Variants in OVCH1 observed in about 807,000 individuals in gnomAD.
OVCH1 encodes the protein ovochymase-1.
Under a neutral mutation model 138.4 loss-of-function variants are expected in OVCH1, and 139 were observed. The ratio of observed to expected loss-of-function variants is 1.00; its 90% CI spans 0.87 to 1.16. OVCH1 has a LOEUF of 1.16. Among genes scored for constraint, OVCH1 ranks in the 50% most tolerant of loss-of-function variants. OVCH1 has a pLI of 0.00. For missense variants in OVCH1, 1,367 were observed against 1,357.9 expected, an observed-to-expected ratio of 1.01 and a Z score of -0.11; for synonymous variants, 453 against 467.8, an observed-to-expected ratio of 0.97 and a Z score of 0.41.
intron 6 of OVCH1, among the ~76,000 whole-genome samples, chr12:29,489,075 A>G (rs539969756): frequency 6.6e-6 from 1 of 152,286 alleles, no homozygotes; most frequent in South Asian, 2.1e-4. Flanking sequence ...ACCTATCTAA[A>G]ACTTAAAACT....
intron 5 of OVCH1, 112 bp downstream of exon 5, chr12:29,490,985 A>G: frequency 1.2e-6 from 1 of 840,846 alleles, no homozygotes; most frequent in Non-Finnish European, 1.9e-6. Flanking sequence ...TGTGTCAGAA[A>G]TTAGTTATAA....
At chr12:29,476,749 A>ACACG (rs1555151634) in intron 12 of OVCH1, among the ~76,000 whole-genome samples, 1 of 17,160 alleles carries the variant, frequency 5.8e-5, no homozygotes, top group African/African-American at 1.0e-4. Flanking sequence ...ATAAGTACAC[A>ACACG]CGCGCGCACA....
rs375910619 is a variant in OVCH1, at chr12:29,496,239, T to C, written c.223A>G (p.Ser75Gly). 1.9e-6 allele frequency: 3 copies of C among 1,609,324 alleles called. No individual in the cohort carries two copies. The African/African-American group carries it at 4.0e-5, about 21-fold the overall frequency. The change falls in exon 3 of 28, where the codon AGC (serine) becomes GGC (glycine). Residue 75 changes from serine (S) to glycine (G), a missense_variant. Ser to Gly is a moderately conservative substitution (Grantham distance 56). Coordinates refer to ENST00000318184, the Ensembl canonical transcript of OVCH1. ...ACAACCCGATCTTCTTGAATCAAGC[T>C]TCCTCCACAGAAGTGGTGCTCATCT...
intron 24 of OVCH1, among the ~76,000 whole-genome samples, 196 bp downstream of exon 24, chr12:29,443,949 A>G (rs1941550725): frequency 6.6e-6 from 1 of 152,154 alleles, no homozygotes; most frequent in African/African-American, 2.4e-5. Flanking sequence ...AGAAAGTACA[A>G]TTGATAAACA....
chr12:29,424,698 TC>T (rs1941154116), downstream of OVCH1, among the ~76,000 whole-genome samples: 1 of 152,194 alleles, frequency 6.6e-6, no homozygotes, highest in Non-Finnish European at 1.5e-5. Flanking sequence ...GATAATCTCA[TC>T]TGCAAAATGG....
At chr12:29,491,102 G>A (rs778172447) in exon 5 of OVCH1, 2 of 1,613,094 alleles carry the variant, frequency 1.2e-6, no homozygotes, top group Non-Finnish European at 1.7e-6. Flanking sequence ...CTTACTTTTG[G>A]AAATCTTGCC....
chr12:29,407,778 T>A (rs192450780), downstream of OVCH1, among the ~76,000 whole-genome samples: 1 of 151,552 alleles, frequency 6.6e-6, no homozygotes, highest in Non-Finnish European at 1.5e-5. Flanking sequence ...TAGGATTGAC[T>A]TGGCTATGCG....
At chr12:29,486,751 A>T (rs1943119499) in intron 7 of OVCH1, 2 of 320,116 alleles carry the variant, frequency 6.2e-6, no homozygotes, top group Admixed American at 4.2e-5. Flanking sequence ...TATTTAAATA[A>T]ATCACTTATC....
At chr12:29,456,092 A>T (rs1429510201) in intron 19 of OVCH1, among the ~76,000 whole-genome samples, 1 of 152,208 alleles carries the variant, frequency 6.6e-6, no homozygotes, top group Non-Finnish European at 1.5e-5. Context: ...AAGTTGCACA[A>T]TTTCAAAGAC....
intron 2 of OVCH1, 129 bp from the exon 3 acceptor site, chr12:29,496,407 T>G: frequency 3.5e-6 from 4 of 1,141,764 alleles, no homozygotes; most frequent in Non-Finnish European, 5.0e-6. Context: ...AATTGGATAG[T>G]AAGATAGTTC....
At chr12:29,410,963 T>C (rs1325639282), downstream of OVCH1, among the ~76,000 whole-genome samples, 6 of 152,080 alleles carry the variant, frequency 3.9e-5, no homozygotes, top group Non-Finnish European at 8.8e-5. Context: ...AGACATAGAT[T>C]TGGTCTTTTC....
At chr12:29,455,398 G>C in exon 20 of OVCH1, 1 of 1,602,724 alleles carries the variant, frequency 6.2e-7, no homozygotes, top group Non-Finnish European at 8.5e-7. Flanking sequence ...TGGCCCACCA[G>C]AGTCTCCCTG....
downstream of OVCH1, among the ~76,000 whole-genome samples, chr12:29,424,764 CTCTG>C (rs1231193198): frequency 4.6e-5 from 7 of 152,290 alleles, no homozygotes; most frequent in Admixed American, 1.3e-4. Context: ...GTTATTCAAT[CTCTG>C]TCTGTGCCTC....
intron 7 of OVCH1, 200 bp downstream of exon 7, chr12:29,487,493 A>G (rs1209587390): frequency 3.0e-5 from 14 of 468,508 alleles, no homozygotes; most frequent in Non-Finnish European, 7.3e-6. Flanking sequence ...TGAAAATTTT[A>G]TACAGGGATT....
chr12:29,465,053 T>G (rs993734759), intron 17 of OVCH1, 94 bp downstream of exon 17: 2 of 1,065,678 alleles, frequency 1.9e-6, no homozygotes, highest in Non-Finnish European at 2.7e-6. Flanking sequence ...CCTAGGAGAT[T>G]AATAACTAAT....
rs187074346 is a variant in OVCH1, at chr12:29,469,372, A to C, written c.1856+2430T>G. Among the ~76,000 whole-genome samples the C allele has an allele frequency of 2.4e-3, 366 of 151,970 alleles. 3 individuals carry two copies. Among genetic ancestry groups the C allele is most frequent in the African/African-American group, 7.4e-3 (306 of 41,486 alleles). On this transcript the variant is annotated intron_variant, in intron 16 of 27. Coordinates refer to ENST00000318184, the Ensembl canonical transcript of OVCH1. ...ACTGAGGGACATAGGGATGTTCTAC[A>C]AAAAAAACAGATGAGGTCTCCTCAA...
At chr12:29,460,322 A>G (rs1706934026) in intron 19 of OVCH1, among the ~76,000 whole-genome samples, 2 of 152,220 alleles carry the variant, frequency 1.3e-5, no homozygotes, top group Admixed American at 1.3e-4. Context: ...CTTGTTGAAG[A>G]AAGAAAAGCC....
chr12:29,434,855 C>A (rs998978455), intron 26 of OVCH1, among the ~76,000 whole-genome samples: 31 of 152,218 alleles, frequency 2.0e-4, no homozygotes, highest in Middle Eastern at 3.4e-3. Context: ...GAATAGAGAG[C>A]TGGATGTTCC....
exon 4 of OVCH1, chr12:29,495,418 G>A (rs1943387715): frequency 1.2e-6 from 2 of 1,613,376 alleles, no homozygotes; most frequent in South Asian, 1.1e-5. Flanking sequence ...GAAAGAGGCT[G>A]TACTCCCCAG....
Sources: gnomAD v4.1 joint callset for allele counts (sites outside exome capture counted in the v4.1 genomes callset) on GRCh38, gnomAD v4.1.1 for gene constraint, MANE v1.5 for transcripts, NCBI Gene and HGNC (gene_info 2026-07-23, HGNC 2026-07-21) for gene names.